Variants in RANBP1 observed in about 807,000 individuals in gnomAD.
RANBP1 encodes the protein ran-specific GTPase-activating protein.
In RANBP1, 16 loss-of-function variants were observed where a neutral mutation model predicts 31.4. The ratio of observed to expected loss-of-function variants is 0.51; its 90% confidence interval spans 0.34 to 0.77. The LOEUF (loss-of-function observed/expected upper bound fraction) is 0.77, where lower values mean the gene tolerates loss of function less well. RANBP1 is among the 30% of genes least tolerant of loss of function. The pLI is 0.01. For missense variants in RANBP1, 265 were observed against 362.0 expected (o/e 0.73, Z 2.17); for synonymous variants, 129 against 140.5 (o/e 0.92, Z 0.58).
chr22:20,117,363 G>A, intron 1 of RANBP1: 1 of 1,218,294 alleles, frequency 8.2e-7, no homozygotes, highest in Non-Finnish European at 1.0e-6. Flanking sequence ...CTGGCTGACG[G>A]GCGGGCCGGG....
intron 3 of RANBP1, chr22:20,122,658 A>G (rs753414131): frequency 7.0e-7 from 1 of 1,418,862 alleles, no homozygotes; most frequent in East Asian, 3.4e-5. Flanking sequence ...ACGGGCCCTG[A>G]TGGGAGGACG....
chr22:20,120,552 CAG>C (rs1191983775), intron 2 of RANBP1, among the ~76,000 whole-genome samples: 1 of 152,210 alleles, frequency 6.6e-6, no homozygotes, highest in Non-Finnish European at 1.5e-5. Context: ...GGGCAGAGAG[CAG>C]AGTCGTCTGA....
chr22:20,122,994 T>G (rs1374317428), intron 3 of RANBP1, among the ~76,000 whole-genome samples: 13 of 44,554 alleles, frequency 2.9e-4, no homozygotes, highest in Admixed American at 9.4e-4. Flanking sequence ...GTCTGGGGGG[T>G]GTGGTGGGGT....
chr22:20,121,099 G>T (rs560271305), intron 2 of RANBP1, among the ~76,000 whole-genome samples: 1 of 152,146 alleles, frequency 6.6e-6, no homozygotes, highest in African/African-American at 2.4e-5. Context: ...GGCTATAGGC[G>T]CATGCCTCCA....
rs2050052244 is a variant in RANBP1 at position 20,117,143 on chromosome 22, C to T, written c.246+713C>T. On this transcript the variant is annotated intron_variant, in intron 1 of 5. Transcript: ENST00000430524. The stretch of plus-strand genomic sequence containing the variant: ...CTCAGGCTTGGGGCTGTACCGCCCG[C>T]CCGCCAGGGGCCCGCGCCGGCCGCT... 8.8e-6 allele frequency: 5 copies of T among 570,562 alleles called. No individual in the cohort carries two copies. The Admixed American group carries it at 2.0e-4, about 23-fold the overall frequency. 35.3% of individuals were successfully genotyped at this position (570,562 alleles called of 1,614,324 possible). A position where few individuals can be genotyped will look rare whatever the true frequency, so the allele number is the denominator to read the frequency against.
intron 2 of RANBP1, 54 bp downstream of exon 2, chr22:20,119,203 T>G (rs2050122105): frequency 1.1e-5 from 17 of 1,549,704 alleles, no homozygotes; most frequent in Non-Finnish European, 1.5e-5. Flanking sequence ...GGTTACAACT[T>G]TTATGGGTGT....
At chr22:20,120,476 C>T (rs567596242) in intron 2 of RANBP1, among the ~76,000 whole-genome samples, 2 of 152,280 alleles carry the variant, frequency 1.3e-5, no homozygotes, top group Non-Finnish European at 2.9e-5. Flanking sequence ...CGGGTCTTTG[C>T]AGTAAAGCTC....
rs764367634 is a variant in RANBP1 at position 20,120,027 on chromosome 22, ACAT to A, written c.383+882_383+884del. ...TCGCCTACACTCAGGATTGCAACAA[ACAT>A]CATGTTTAGTTACACACCTCAGTGA... is the stretch of plus-strand genomic sequence containing the variant. On this transcript the variant is annotated intron_variant, in intron 2 of 5. Coordinates refer to ENST00000430524, the MANE Select transcript of RANBP1 (RefSeq NM_001278639.2). Among the ~76,000 whole-genome samples, 11 of 152,300 alleles carry A rather than the reference ACAT, an allele frequency of 7.2e-5. No homozygotes were observed. In the East Asian group the frequency reaches 7.7e-4, roughly 11 times the overall value.
intron 1 of RANBP1, chr22:20,116,737 A>T: frequency 7.9e-7 from 1 of 1,273,856 alleles, no homozygotes; most frequent in Non-Finnish European, 1.1e-6. Flanking sequence ...CCCCTCCCCC[A>T]GTCTACCCTC....
At chr22:20,118,261 T>C (rs2050091695) in intron 1 of RANBP1, 1 of 1,002,380 alleles carries the variant, frequency 1.0e-6, no homozygotes. Flanking sequence ...TCTTTTCCAG[T>C]TTGAGTCTAG....
chr22:20,119,884 A>T (rs1332488272), intron 2 of RANBP1, among the ~76,000 whole-genome samples: 1 of 152,172 alleles, frequency 6.6e-6, no homozygotes, highest in African/African-American at 2.4e-5. Flanking sequence ...TATTAAAACC[A>T]CTTAAAAAAA....
chr22:20,117,107 C>G, intron 1 of RANBP1: 1 of 695,398 alleles, frequency 1.4e-6, no homozygotes. Flanking sequence ...CTGCGATGCT[C>G]AGGTCCGGGT....
intron 2 of RANBP1, among the ~76,000 whole-genome samples, chr22:20,120,685 G>A (rs978640409): frequency 6.6e-5 from 10 of 152,224 alleles, no homozygotes; most frequent in African/African-American, 2.4e-4. Context: ...AGGGCCAGGT[G>A]TTGGCCAGGG....
rs1285741088 is a variant in RANBP1, at chr22:20,125,404, A to G, written c.638A>G (p.Glu213Gly). 6.2e-7 allele frequency: 1 copy of G among 1,610,462 alleles called. No individual in the cohort carries two copies. The highest frequency in any genetic ancestry group is 1.7e-5 in the Admixed American group (1 of 59,708). ...TTCGCCGACGAGTGCCCCAAGCCAG[A>G]GCTGCTGGCCATCCGCTTCCTGAAT... is the stretch of plus-strand genomic sequence containing the variant. The part of the protein sequence containing the change: ...ADFADECPKP[E>G]LLAIRFLNAE... The change falls in exon 4 of 6, where the codon GAG becomes GGG. Residue 213 changes from glutamate (E) to glycine (G), a missense_variant. This residue lies in a region of RANBP1 where 90 missense variants were observed against 190.5 expected (regional missense o/e 0.47). Coordinates refer to ENST00000430524, the MANE Select transcript of RANBP1 (RefSeq NM_001278639.2).
chr22:20,118,117 C>T (rs947982361), intron 1 of RANBP1: 1 of 1,000,606 alleles, frequency 1.0e-6, no homozygotes, highest in Non-Finnish European at 1.2e-6. Flanking sequence ...GCTCGCGTTC[C>T]AGCGTGGGGC....
chr22:20,124,838 G>GC (rs2050261421), intron 3 of RANBP1: 1 of 176,152 alleles, frequency 5.7e-6, no homozygotes, highest in Non-Finnish European at 1.2e-5. Context: ...GAAAGACTGG[G>GC]CCCCCTGGGC....
intron 1 of RANBP1, chr22:20,117,776 C>T (rs1275852568): frequency 5.7e-6 from 6 of 1,056,892 alleles, no homozygotes; most frequent in Non-Finnish European, 5.7e-6. Flanking sequence ...CCTGCAGGCT[C>T]GGCCGTCTGC....
At chr22:20,122,541 T>C (rs761746198) in intron 3 of RANBP1, 120 bp downstream of exon 3, 16 of 1,571,310 alleles carry the variant, frequency 1.0e-5, no homozygotes, top group Non-Finnish European at 1.4e-5. Flanking sequence ...AAGTTTGTGG[T>C]GTGTTTGTTG....
Position 20,116,304 on chromosome 22 carries a change from G to A in RANBP1, c.120G>A (p.Ala40=), listed in dbSNP as rs144774720. The A allele has an allele frequency of 2.3e-4, 368 of 1,612,954 alleles. 1 individual carries two copies. Among genetic ancestry groups the A allele is most frequent in the Non-Finnish European group, 2.9e-4 (347 of 1,180,024 alleles). ...LSAALRNVTK[A]QGGCPKSLVL... ...CAGCGCTGCGGAATGTCACAAAGGC[G>A]CAGGGTGGTTGCCCAAAGAGTTTGG... The change falls in exon 1 of 6, where the codon GCG becomes GCA. Residue 40 remains alanine, a synonymous_variant. Coordinates refer to ENST00000430524, the MANE Select transcript of RANBP1 (RefSeq NM_001278639.2).
Sources: gnomAD v4.1 joint callset for allele counts (sites outside exome capture counted in the v4.1 genomes callset) on GRCh38, gnomAD v4.1.1 for gene constraint, gnomAD v4.1.1 regional missense constraint, MANE v1.5 for transcripts, NCBI Gene and HGNC (gene_info 2026-07-23, HGNC 2026-07-21) for gene names.